Variants in RTN4RL2 observed in about 807,000 individuals in gnomAD.
The protein encoded by RTN4RL2 is reticulon-4 receptor-like 2.
In RTN4RL2, 9 loss-of-function variants were observed where a neutral mutation model predicts 27.8. That is an observed-to-expected ratio of 0.32 (90% CI 0.20 to 0.57). RTN4RL2 has a LOEUF of 0.57. Among genes scored for constraint, RTN4RL2 ranks in the 20% least tolerant of loss-of-function variants. RTN4RL2 has a pLI of 0.90. For missense variants in RTN4RL2, 436 were observed against 596.8 expected (o/e 0.73, Z 2.81); for synonymous variants, 285 against 297.9 (o/e 0.96, Z 0.45).
chr11:57,474,060 G>A (rs148663194), intron 2 of RTN4RL2, among the ~76,000 whole-genome samples: 204 of 152,228 alleles, frequency 1.3e-3, no homozygotes, highest in African/African-American at 4.7e-3. Flanking sequence ...CCCCATTTAG[G>A]TGTTTTGAGT....
intron 1 of RTN4RL2, among the ~76,000 whole-genome samples, chr11:57,462,655 G>A (rs574271868): frequency 6.6e-6 from 1 of 152,242 alleles, no homozygotes; most frequent in African/African-American, 2.4e-5. Flanking sequence ...CTTTGTTTCT[G>A]AGCCTTGGTA....
chr11:57,472,333 C>A (rs901191296), intron 2 of RTN4RL2, among the ~76,000 whole-genome samples: 2 of 152,168 alleles, frequency 1.3e-5, no homozygotes, highest in South Asian at 2.1e-4. Flanking sequence ...CCATCTTAGC[C>A]TCCCCAGTAG....
Position 57,467,271 on chromosome 11 carries a change from T to G in RTN4RL2, c.32-338T>G, listed in dbSNP as rs1319939251. Among the ~76,000 whole-genome samples the G allele has an allele frequency of 1.3e-5, 2 of 152,098 alleles. No individual in the cohort carries two copies. The highest frequency in any genetic ancestry group is 1.3e-4 in the Admixed American group (2 of 15,276). On this transcript the variant is annotated intron_variant, in intron 1 of 2. Transcript: ENST00000335099. This position sits in a 1 kb window ranked among gnomAD's most constrained non-coding sequence, Gnocchi z 5.5. ...TGTTGCCCAGGCTGGAGTGCAAGGG[T>G]GTGATCGTTGCTCACTACAGCCTCA...
intron 2 of RTN4RL2, among the ~76,000 whole-genome samples, chr11:57,472,188 G>A (rs750275563): frequency 6.8e-6 from 1 of 147,152 alleles, no homozygotes; most frequent in Non-Finnish European, 1.5e-5. Flanking sequence ...TCATTACAGT[G>A]GCCTGCATGG....
chr11:57,476,958 G>A lies in RTN4RL2; in HGVS notation c.*47G>A. ...GGCCAGTGTCCGATCCCCGCTTCCC[G>A]TCCACCCGGGGCTGCGGCTCCGGCC... On this transcript the variant is annotated 3_prime_UTR_variant, in exon 3 of 3. Coordinates refer to ENST00000335099, the MANE Select transcript of RTN4RL2 (RefSeq NM_178570.3). The surrounding 1 kb of genome is among the most constrained non-coding windows in gnomAD (Gnocchi z 8.2). 5 of 1,498,498 alleles carry A rather than the reference G, an allele frequency of 3.3e-6. No individual in the cohort carries two copies. Among genetic ancestry groups the A allele is most frequent in the Non-Finnish European group, 4.4e-6 (5 of 1,131,704 alleles). 92.8% of individuals were successfully genotyped at this position (1,498,498 alleles called of 1,614,324 possible). A position where few individuals can be genotyped will look rare whatever the true frequency, so the allele number is the denominator to read the frequency against.
chr11:57,468,193 C>A, intron 2 of RTN4RL2, 103 bp downstream of exon 2: 1 of 1,214,734 alleles, frequency 8.2e-7, no homozygotes, highest in Non-Finnish European at 1.1e-6. Flanking sequence ...TCTCCCCAGG[C>A]CACCCTTCCT....
rs377537062 is a variant in RTN4RL2 at position 57,476,425 on chromosome 11, C to T, written c.777C>T (p.Asn259=). The change falls in exon 3 of 3, where the codon AAC becomes AAT. Residue 259 remains asparagine (N), a synonymous_variant. Coordinates refer to ENST00000335099, the MANE Select transcript of RTN4RL2 (RefSeq NM_178570.3). This position sits in a 1 kb window ranked among gnomAD's most constrained non-coding sequence, Gnocchi z 8.2. ...DLPSLEFLRL[N]ANPWACDCRA... Reference sequence around the variant, plus strand: ...CCTCGCTCGAGTTCCTGCGGCTCAACGCTAACCCCTGGGCGTGCGACTGCC... The same window carrying T: ...CCTCGCTCGAGTTCCTGCGGCTCAATGCTAACCCCTGGGCGTGCGACTGCC... The T allele has an allele frequency of 1.1e-5, 17 of 1,595,964 alleles. No homozygotes were observed. The African/African-American group carries it at 1.7e-4, about 16-fold the overall frequency.
intron 2 of RTN4RL2, among the ~76,000 whole-genome samples, chr11:57,471,707 G>A (rs1432164580): frequency 6.6e-6 from 1 of 152,240 alleles, no homozygotes; most frequent in East Asian, 1.9e-4. Context: ...TGCCAGGTGA[G>A]TTCATTCATC....
intron 2 of RTN4RL2, among the ~76,000 whole-genome samples, chr11:57,473,211 T>C (rs1943574531): frequency 1.3e-5 from 2 of 152,122 alleles, no homozygotes; most frequent in South Asian, 4.1e-4. Flanking sequence ...GTGGAATGAA[T>C]GAGGCACATC....
chr11:57,466,251 C>T lies in RTN4RL2; in HGVS notation c.32-1358C>T, dbSNP rs563689053. ...CGATCTCCTGACCTCGTGATCCACC[C>T]GCCTCAGACTCCCAAAGTGCTGGGA... On this transcript the variant is annotated intron_variant, in intron 1 of 2. Transcript: ENST00000335099. Among the ~76,000 whole-genome samples the T allele has an allele frequency of 2.0e-4, 31 of 152,030 alleles. 1 individual carries two copies. Among genetic ancestry groups the T allele is most frequent in the South Asian group, 1.0e-3 (5 of 4,814 alleles).
rs558826334 is a variant in RTN4RL2 at position 57,467,799 on chromosome 11, G to A, written c.222G>A (p.Thr74=). Residue 74 remains threonine (T), a synonymous_variant, in exon 2 of 3, where the codon ACG becomes ACA. Transcript: ENST00000335099. The surrounding 1 kb of genome is among the most constrained non-coding windows in gnomAD (Gnocchi z 5.5). ...TCCTGCAGAACAACCTCATCCGCAC[G>A]CTGCGGCCAGGCACCTTTGGGTCCA... ...RLFLQNNLIR[T]LRPGTFGSNL... is the part of the protein sequence containing the mutation. 12 of 1,614,048 alleles carry A rather than the reference G, an allele frequency of 7.4e-6. No individual in the cohort carries two copies. Among genetic ancestry groups the A allele is most frequent in the East Asian group, 6.7e-5 (3 of 44,852 alleles).
rs185990711 is a variant in RTN4RL2 at position 57,465,270 on chromosome 11, G to A, written c.32-2339G>A. ...TGCATTTGGTGAGCACCTGGCTCAC[G>A]CCACTACCCAAAATCACAGATACAT... is the stretch of plus-strand genomic sequence containing the variant. On this transcript the variant is annotated intron_variant, in intron 1 of 2. Transcript: ENST00000335099. Among the ~76,000 whole-genome samples, 903 of 152,344 alleles carry A rather than the reference G, an allele frequency of 5.9e-3. 4 individuals carry two copies. The highest frequency in any genetic ancestry group is 9.4e-3 in the Non-Finnish European group (642 of 68,020).
chr11:57,460,956 CT>C (rs1393753727), intron 1 of RTN4RL2, 60 bp downstream of exon 1: 4 of 1,138,188 alleles, frequency 3.5e-6, no homozygotes, highest in Non-Finnish European at 4.7e-6. Context: ...AGGGCGTCCC[CT>C]CTTTCAGGGA....
In RTN4RL2 at chr11:57,467,655, G is replaced by A; in HGVS notation, c.78G>A (p.Leu26=). 1 of 1,610,840 alleles carries A rather than the reference G, an allele frequency of 6.2e-7. No individual in the cohort carries two copies. Among genetic ancestry groups the A allele is most frequent in the African/African-American group, 1.3e-5 (1 of 74,928 alleles). Residue 26 remains leucine (L), a synonymous_variant, in exon 2 of 3, where the codon CTG becomes CTA. Transcript: ENST00000335099. The surrounding 1 kb of genome is among the most constrained non-coding windows in gnomAD (Gnocchi z 5.5). ...TGCTGATGCTCCTGGCCCTGCCCCT[G>A]GCGGCCCCCAGCTGCCCCATGCTCT... The part of the protein sequence containing the change: ...CLLLMLLALP[L]AAPSCPMLCT...
rs1301247845 is a variant in RTN4RL2 at position 57,467,652 on chromosome 11, C to T, written c.75C>T (p.Pro25=). The T allele has an allele frequency of 1.9e-6, 3 of 1,610,882 alleles. No homozygotes were observed. The highest frequency in any genetic ancestry group is 3.3e-4 in the Middle Eastern group (2 of 6,048). Residue 25 remains proline, a synonymous_variant, in exon 2 of 3, where the codon CCC becomes CCT. Coordinates refer to ENST00000335099, the MANE Select transcript of RTN4RL2 (RefSeq NM_178570.3). The surrounding 1 kb of genome is among the most constrained non-coding windows in gnomAD (Gnocchi z 5.5). ...TCCTGCTGATGCTCCTGGCCCTGCC[C>T]CTGGCGGCCCCCAGCTGCCCCATGC... ...ACLLLMLLAL[P]LAAPSCPMLC... is the part of the protein sequence containing the mutation.
intron 2 of RTN4RL2, among the ~76,000 whole-genome samples, chr11:57,471,097 G>A (rs542010907): frequency 2.1e-4 from 32 of 152,126 alleles, no homozygotes; most frequent in Non-Finnish European, 3.2e-4. Context: ...TTAGGCAGGC[G>A]GGGTGGCAGG....
intron 1 of RTN4RL2, among the ~76,000 whole-genome samples, chr11:57,464,373 C>A (rs1943506945): frequency 6.6e-6 from 1 of 152,148 alleles, no homozygotes; most frequent in Non-Finnish European, 1.5e-5. Flanking sequence ...CCTGGGGCAG[C>A]GGTCAGTCCG....
At chr11:57,462,462 G>C (rs914955148) in intron 1 of RTN4RL2, among the ~76,000 whole-genome samples, 1 of 152,172 alleles carries the variant, frequency 6.6e-6, no homozygotes, top group African/African-American at 2.4e-5. Flanking sequence ...CCTCCTTCCA[G>C]AGCGAGAGGC....
intron 2 of RTN4RL2, among the ~76,000 whole-genome samples, chr11:57,474,503 C>A (rs572075079): frequency 1.1e-4 from 17 of 152,304 alleles, no homozygotes; most frequent in Admixed American, 5.2e-4. Context: ...AGGGAACAGG[C>A]CCCCTGGGTG....
Sources: allele counts gnomAD v4.1 joint callset (sites outside exome capture counted in the v4.1 genomes callset), GRCh38; gene constraint gnomAD v4.1.1; non-coding constraint Gnocchi (gnomAD v3.1); transcripts MANE v1.5; gene names NCBI Gene and HGNC (gene_info 2026-07-23, HGNC 2026-07-21).